ENDOD1: variants seen among roughly 807,000 people sequenced by gnomAD.
ENDOD1 encodes the protein endonuclease domain containing 1, also known as endonuclease domain-containing 1 protein.
In ENDOD1, 9 loss-of-function variants were observed where a neutral mutation model predicts 6.5. The ratio of observed to expected loss-of-function variants is 1.39; its 90% CI spans 0.84 to 2.43. ENDOD1 has a LOEUF of 2.43. Ranked by LOEUF, ENDOD1 falls within the 30% of genes most tolerant of loss-of-function variation. The pLI, the probability that ENDOD1 is intolerant of heterozygous loss-of-function variation, is 0.00. For synonymous variants in ENDOD1, 255 were observed against 255.2 expected (o/e 1.00, Z 0.01); for missense variants, 648 against 635.5 (o/e 1.02, Z -0.21).
intron 1 of ENDOD1, among the ~76,000 whole-genome samples, chr11:95,115,539 C>T (rs1235889021): frequency 1.3e-5 from 2 of 152,052 alleles, no homozygotes; most frequent in Non-Finnish European, 2.9e-5. Flanking sequence ...AGCTATGTTG[C>T]ATAATGATGG....
intron 1 of ENDOD1, among the ~76,000 whole-genome samples, chr11:95,098,359 AAAAC>A (rs1859006358): frequency 1.3e-5 from 2 of 152,102 alleles, no homozygotes; most frequent in African/African-American, 4.8e-5. Flanking sequence ...ATACGCACAC[AAAAC>A]AAACAAAAGG....
intron 1 of ENDOD1, among the ~76,000 whole-genome samples, chr11:95,122,915 G>A (rs1194230321): frequency 1.3e-5 from 2 of 152,170 alleles, no homozygotes; most frequent in South Asian, 2.1e-4. Flanking sequence ...GGGGCCGGGC[G>A]CCATGGCTCA....
At chr11:95,091,228 C>G (rs1858927886) in intron 1 of ENDOD1, among the ~76,000 whole-genome samples, 1 of 152,176 alleles carries the variant, frequency 6.6e-6, no homozygotes, top group Admixed American at 6.5e-5. Context: ...AAGAACTGAC[C>G]CAACGCTCTC....
rs1858915651 is a variant in ENDOD1, at chr11:95,090,243, C to T, written c.300+16C>T. 8 of 1,365,578 alleles carry T rather than the reference C, an allele frequency of 5.9e-6. No homozygotes were observed. In the East Asian group the frequency reaches 2.2e-4, roughly 37 times the overall value. The allele number at this position is 1,365,578 out of a possible 1,614,324, so 84.6% of individuals were successfully genotyped here. On this transcript the variant is annotated intron_variant, in intron 1 of 1. Coordinates refer to ENST00000278505, the MANE Select transcript of ENDOD1 (RefSeq NM_015036.3). ...GGAGCCGCAGGTAAGCGAAGTGGTT[C>T]CCGAGCCGGGCTGCGGGCGCCGGAG... is the stretch of plus-strand genomic sequence containing the variant.
chr11:95,125,210 C>G (rs1052820208), intron 1 of ENDOD1, among the ~76,000 whole-genome samples: 2 of 152,118 alleles, frequency 1.3e-5, no homozygotes, highest in African/African-American at 4.8e-5. Flanking sequence ...CTTTAGATTC[C>G]CCTAGAAGGA....
At chr11:95,098,083 T>C (rs1859003702) in intron 1 of ENDOD1, among the ~76,000 whole-genome samples, 1 of 152,086 alleles carries the variant, frequency 6.6e-6, no homozygotes, top group Non-Finnish European at 1.5e-5. Flanking sequence ...TTCCTTTGAA[T>C]GTCATGTCAG....
chr11:95,091,441 T>C (rs1484933556), intron 1 of ENDOD1, among the ~76,000 whole-genome samples: 1 of 152,214 alleles, frequency 6.6e-6, no homozygotes, highest in Admixed American at 6.5e-5. Context: ...ATAACACTTG[T>C]CGAGATCAGG....
intron 1 of ENDOD1, among the ~76,000 whole-genome samples, chr11:95,112,883 T>C (rs1182814481): frequency 2.0e-5 from 3 of 152,230 alleles, no homozygotes; most frequent in Non-Finnish European, 4.4e-5. Context: ...AAATAGATGG[T>C]GACTTTATTG....
In ENDOD1 at chr11:95,110,790, G is replaced by A. The variant is rs1490858175; in HGVS notation, c.301-17587G>A. On this transcript the variant is annotated intron_variant, in intron 1 of 1. Transcript: ENST00000278505. ...TACTCTCACTCCATTGTCCCATGGT[G>A]TAGTCCCCTGACTGGTCTCAGCTGG... 2.6e-5 allele frequency among the ~76,000 whole-genome samples: 4 copies of A among 152,116 alleles called. No homozygotes were observed. In the East Asian group the frequency reaches 7.7e-4, roughly 29 times the overall value.
chr11:95,119,011 C>T (rs1385301688), intron 1 of ENDOD1, among the ~76,000 whole-genome samples: 1 of 152,126 alleles, frequency 6.6e-6, no homozygotes, highest in African/African-American at 2.4e-5. Flanking sequence ...CTGCTTGATT[C>T]TTTTTAATGA....
In ENDOD1 at chr11:95,089,958, A is replaced by C; in HGVS notation, c.31A>C (p.Ser11Arg). 1 of 1,507,024 alleles carries C rather than the reference A, an allele frequency of 6.6e-7. No individual in the cohort carries two copies. The highest frequency in any genetic ancestry group is 1.3e-5 in the South Asian group (1 of 79,888). The allele number at this position is 1,507,024 out of a possible 1,614,324, so 93.4% of individuals were successfully genotyped here. A position where few individuals can be genotyped will look rare whatever the true frequency, so the allele number is the denominator to read the frequency against. ...CACCGCGCGCTGGCTCGCGCTGGGC[A>C]GCCTCTTCGCCCTGGCTGGGCTGCT... Reference protein sequence around the residue: MGTARWLALGSLFALAGLLEG... With the variant: MGTARWLALGRLFALAGLLEG... Residue 11 changes from serine (S) to arginine (R), a missense_variant, in exon 1 of 2, where the codon AGC (serine) becomes CGC (arginine). By Grantham distance (110) the Ser-to-Arg change is moderately radical (BLOSUM62 -1). Coordinates refer to ENST00000278505, the MANE Select transcript of ENDOD1 (RefSeq NM_015036.3).
At chr11:95,090,338 C>A in intron 1 of ENDOD1, 111 bp downstream of exon 1, 1 of 1,297,070 alleles carries the variant, frequency 7.7e-7, no homozygotes, top group Non-Finnish European at 9.9e-7. Flanking sequence ...AATCCCTACG[C>A]CTTCGGTGCC....
At position 95,092,452 on chromosome 11, in the gene ENDOD1, G is replaced by A. The variant is rs538650048; in HGVS notation, c.300+2225G>A. 1.8e-3 allele frequency among the ~76,000 whole-genome samples: 268 copies of A among 152,244 alleles called. 1 individual carries two copies. The highest frequency in any genetic ancestry group is 2.8e-3 in the Non-Finnish European group (192 of 68,014). ...TGGAGACCCTGGGTGAGATAATGAG[G>A]AAGGGGACTGTGGAGATTAAAGAAG... On this transcript the variant is annotated intron_variant, in intron 1 of 1. Coordinates refer to ENST00000278505, the MANE Select transcript of ENDOD1 (RefSeq NM_015036.3).
At chr11:95,103,002 G>A (rs1555111059) in intron 1 of ENDOD1, among the ~76,000 whole-genome samples, 2 of 152,004 alleles carry the variant, frequency 1.3e-5, no homozygotes, top group Non-Finnish European at 2.9e-5. Flanking sequence ...GGCCAGGCTT[G>A]TTACTGCTGT....
rs549469851 is a variant in ENDOD1 at position 95,099,006 on chromosome 11, T to C, written c.300+8779T>C. Reference sequence around the variant, plus strand: ...TTTATAGAGGGTGTGTTTCTAGCTCTGGCAGTCACACGCCCATGAATATCA... The same window carrying C: ...TTTATAGAGGGTGTGTTTCTAGCTCCGGCAGTCACACGCCCATGAATATCA... On this transcript the variant is annotated intron_variant, in intron 1 of 1. Transcript: ENST00000278505. Among the ~76,000 whole-genome samples the C allele has an allele frequency of 2.6e-5, 4 of 152,330 alleles. No individual in the cohort carries two copies. In the East Asian group the frequency reaches 7.7e-4, roughly 29 times the overall value.
At chr11:95,103,224 C>T (rs1859058829) in intron 1 of ENDOD1, among the ~76,000 whole-genome samples, 1 of 151,622 alleles carries the variant, frequency 6.6e-6, no homozygotes, top group Non-Finnish European at 1.5e-5. Context: ...GACTTTGTTC[C>T]CTTCTCTACC....
intron 1 of ENDOD1, among the ~76,000 whole-genome samples, chr11:95,127,201 A>G (rs1315979816): frequency 6.6e-6 from 1 of 152,220 alleles, no homozygotes; most frequent in Non-Finnish European, 1.5e-5. Context: ...TCTGGTGTCA[A>G]GAATTTACAA....
chr11:95,112,415 A>C (rs782432901), intron 1 of ENDOD1, among the ~76,000 whole-genome samples: 1 of 152,208 alleles, frequency 6.6e-6, no homozygotes, highest in African/African-American at 2.4e-5. Flanking sequence ...CCTGCCATTC[A>C]TCTGAGTTTC....
intron 1 of ENDOD1, among the ~76,000 whole-genome samples, chr11:95,123,560 A>G (rs1481230127): frequency 1.4e-5 from 2 of 142,412 alleles, no homozygotes; most frequent in Admixed American, 7.4e-5. Flanking sequence ...CTCATACCAA[A>G]CATTGATTCA....
Sources: allele counts gnomAD v4.1 joint callset (sites outside exome capture counted in the v4.1 genomes callset), GRCh38; gene constraint gnomAD v4.1.1; transcripts MANE v1.5; gene names NCBI Gene and HGNC (gene_info 2026-07-23, HGNC 2026-07-21).